The following INTS9 variants were observed in gnomAD, a reference collection of about 807,000 sequenced individuals.
INTS9 encodes protein related to CPSF subunits of 74 kDa.
In INTS9, 55 loss-of-function variants were observed where a neutral mutation model predicts 79.7. The observed-to-expected ratio is 0.69, with a 90% CI of 0.56 to 0.86. The LOEUF (loss-of-function observed/expected upper bound fraction) is 0.86. Among genes scored for constraint, INTS9 ranks in the 40% least tolerant of loss-of-function variants. The pLI is 0.00. For missense variants in INTS9, 721 were observed against 831.5 expected (o/e 0.87, Z 1.64); for synonymous variants, 319 against 325.2 (o/e 0.98, Z 0.20).
At chr8:28,839,104 T>C (rs1807001810) in intron 4 of INTS9, among the ~76,000 whole-genome samples, 1 of 152,170 alleles carries the variant, frequency 6.6e-6, no homozygotes, top group Non-Finnish European at 1.5e-5. Context: ...GGTTAAGAGA[T>C]GGGTCCTTGA....
At chr8:28,880,207 T>C (rs776849827) in intron 1 of INTS9, among the ~76,000 whole-genome samples, 1 of 151,686 alleles carries the variant, frequency 6.6e-6, no homozygotes, top group African/African-American at 2.4e-5. Context: ...TTTAATGGCA[T>C]AGAAAAATGT....
At chr8:28,809,918 A>G (rs535413625) in intron 8 of INTS9, among the ~76,000 whole-genome samples, 5 of 152,320 alleles carry the variant, frequency 3.3e-5, no homozygotes, top group African/African-American at 9.6e-5. Context: ...CAGACATCCT[A>G]TTGTTCAACA....
chr8:28,888,873 C>CA (rs2131416045), intron 1 of INTS9, among the ~76,000 whole-genome samples: 1 of 152,118 alleles, frequency 6.6e-6, no homozygotes, highest in African/African-American at 2.4e-5. Flanking sequence ...TTTGGCAAAG[C>CA]ATGTTCAGAT....
intron 1 of INTS9, chr8:28,859,786 T>C (rs1044929450): frequency 3.3e-6 from 2 of 609,236 alleles, no homozygotes; most frequent in Non-Finnish European, 6.0e-6. Flanking sequence ...TTTCACAGGG[T>C]GCCAAGGCAA....
intron 1 of INTS9, among the ~76,000 whole-genome samples, chr8:28,860,770 T>A (rs922928448): frequency 6.6e-6 from 1 of 152,162 alleles, no homozygotes; most frequent in Non-Finnish European, 1.5e-5. Context: ...GCGTGAGCCA[T>A]GGCGCCCGAC....
At chr8:28,776,830 CAG>C (rs768335208) in intron 13 of INTS9, among the ~76,000 whole-genome samples, 4 of 152,144 alleles carry the variant, frequency 2.6e-5, no homozygotes, top group Non-Finnish European at 5.9e-5. Flanking sequence ...TAGCACCTGA[CAG>C]AGGGGCGTCA....
At chr8:28,793,779 C>CAAAA (rs67407592) in intron 10 of INTS9, 28 bp downstream of exon 10, 174 of 1,187,386 alleles carry the variant, frequency 1.5e-4, no homozygotes, top group East Asian at 7.7e-4. Context: ...ATAAAATTCA[C>CAAAA]AAAAAAAAAA....
chr8:28,846,939 GT>G, intron 3 of INTS9, 130 bp from the exon 4 acceptor site: 1 of 713,962 alleles, frequency 1.4e-6, no homozygotes, highest in South Asian at 1.6e-5. Context: ...AAGCTGGGAG[GT>G]TATTAGGCCG....
chr8:28,821,250 C>T (rs1327234706), intron 6 of INTS9, among the ~76,000 whole-genome samples: 1 of 151,736 alleles, frequency 6.6e-6, no homozygotes, highest in Non-Finnish European at 1.5e-5. Flanking sequence ...ATTGGACTTA[C>T]AGTTCCACAT....
intron 1 of INTS9, among the ~76,000 whole-genome samples, chr8:28,861,549 C>T (rs368219648): frequency 1.1e-3 from 167 of 152,264 alleles, no homozygotes; most frequent in African/African-American, 3.5e-3. Context: ...TCAGCTTTCT[C>T]CATTTTCCAA....
intron 16 of INTS9, 125 bp from the exon 17 acceptor site, chr8:28,768,447 C>G (rs1563234309): frequency 2.3e-6 from 2 of 859,462 alleles, no homozygotes; most frequent in Non-Finnish European, 3.9e-6. Flanking sequence ...ATTCTTCAGA[C>G]TAGTCATAGG....
intron 6 of INTS9, among the ~76,000 whole-genome samples, chr8:28,817,252 T>TA (rs1805540903): frequency 6.6e-6 from 1 of 151,872 alleles, no homozygotes; most frequent in African/African-American, 2.4e-5. Context: ...TGAATGGTAA[T>TA]GCCTAGGTTT....
chr8:28,866,332 G>A (rs1808741703), intron 1 of INTS9, among the ~76,000 whole-genome samples: 1 of 152,116 alleles, frequency 6.6e-6, no homozygotes, highest in Non-Finnish European at 1.5e-5. Flanking sequence ...AATTCTGTGG[G>A]AGCTCTATGA....
intron 1 of INTS9, among the ~76,000 whole-genome samples, chr8:28,869,746 T>A (rs1480785831): frequency 6.6e-6 from 1 of 152,194 alleles, no homozygotes; most frequent in Non-Finnish European, 1.5e-5. Flanking sequence ...ACTGTCAAAC[T>A]GACTACACAG....
At chr8:28,861,148 A>G (rs1454757622) in intron 1 of INTS9, among the ~76,000 whole-genome samples, 1 of 152,236 alleles carries the variant, frequency 6.6e-6, no homozygotes, top group Non-Finnish European at 1.5e-5. Flanking sequence ...TAAAACTGCA[A>G]TTGTCCTGAA....
intron 1 of INTS9, among the ~76,000 whole-genome samples, chr8:28,871,937 C>G (rs551386138): frequency 6.6e-6 from 1 of 152,148 alleles, no homozygotes; most frequent in Non-Finnish European, 1.5e-5. Context: ...GCAAAAAGCA[C>G]AGTCAATTCA....
chr8:28,835,999 G>A (rs1424097280), intron 5 of INTS9, among the ~76,000 whole-genome samples: 2 of 152,082 alleles, frequency 1.3e-5, no homozygotes, highest in South Asian at 2.1e-4. Context: ...TAGTAGAGAC[G>A]GGGTTTCACT....
At chr8:28,873,784 C>T (rs761647454) in intron 1 of INTS9, among the ~76,000 whole-genome samples, 3 of 152,152 alleles carry the variant, frequency 2.0e-5, no homozygotes, top group African/African-American at 4.8e-5. Context: ...CTCAACATGT[C>T]GATGTGACTG....
intron 4 of INTS9, among the ~76,000 whole-genome samples, chr8:28,840,720 C>T: frequency 7.0e-6 from 1 of 142,168 alleles, no homozygotes; most frequent in Non-Finnish European, 1.5e-5. Flanking sequence ...CATATTCTCA[C>T]TCATAGGTGG....
Sources: allele counts gnomAD v4.1 joint callset (sites outside exome capture counted in the v4.1 genomes callset), GRCh38; gene constraint gnomAD v4.1.1; transcripts MANE v1.5; gene names NCBI Gene and HGNC (gene_info 2026-07-23, HGNC 2026-07-21).